Variants in PHF24 observed in about 807,000 individuals in gnomAD.
PHF24 encodes Galpha inhibitory interacting protein.
Under a neutral mutation model 42.6 loss-of-function variants are expected in PHF24, and 25 were observed. That is an observed-to-expected ratio of 0.59 (90% CI 0.43 to 0.82). The LOEUF is 0.82. Among genes scored for constraint, PHF24 ranks in the 40% least tolerant of loss-of-function variants. The pLI, the probability that PHF24 is intolerant of heterozygous loss-of-function variation, is 0.00. For missense variants in PHF24, 470 were observed against 538.1 expected, an observed-to-expected ratio of 0.87 and a Z score of 1.25; for synonymous variants, 185 against 204.8, an observed-to-expected ratio of 0.90 and a Z score of 0.83.
At chr9:34,677,993 G>GTGT in the PHF24 span, 15 of 152,222 alleles carry the variant, frequency 9.9e-5, no homozygotes, top group African/African-American at 3.4e-4. Context: ...GTCTGTGAGG[G>GTGT]TGTTGCCAAA....
chr9:34,977,289 C>T, intron 6 of PHF24, 46 bp downstream of exon 6: 1 of 1,538,856 alleles, frequency 6.5e-7, no homozygotes, highest in Non-Finnish European at 8.8e-7. Context: ...TCTCCTCCTC[C>T]CTTTTCCATG....
the PHF24 span, among the ~76,000 whole-genome samples, chr9:34,753,455 A>G: frequency 6.6e-6 from 1 of 152,120 alleles, no homozygotes; most frequent in African/African-American, 2.4e-5. Flanking sequence ...GATCTCTATG[A>G]TAAAAATTAT....
chr9:34,713,850 G>GT, the PHF24 span, among the ~76,000 whole-genome samples: 1 of 152,092 alleles, frequency 6.6e-6, no homozygotes, highest in Non-Finnish European at 1.5e-5. Context: ...CTTACATCTT[G>GT]TTTTTTGAAG....
the PHF24 span, among the ~76,000 whole-genome samples, chr9:34,921,241 C>T: frequency 6.7e-6 from 1 of 148,250 alleles, no homozygotes. Flanking sequence ...GTGTTCTTAA[C>T]AATTATGTTT....
chr9:34,769,971 A>G, the PHF24 span, among the ~76,000 whole-genome samples: 1 of 152,330 alleles, frequency 6.6e-6, no homozygotes, highest in South Asian at 2.1e-4. Context: ...AAATAGTAGA[A>G]GAATACATGG....
the PHF24 span, among the ~76,000 whole-genome samples, chr9:34,852,912 T>C: frequency 5.9e-5 from 9 of 152,212 alleles, no homozygotes; most frequent in African/African-American, 1.9e-4. Flanking sequence ...CACACCCAGC[T>C]CTGTACCTGG....
At chr9:34,891,872 A>G in the PHF24 span, among the ~76,000 whole-genome samples, 7 of 152,124 alleles carry the variant, frequency 4.6e-5, no homozygotes. Flanking sequence ...AGCAGGTGCC[A>G]CTCCAAGGCT....
rs1826472639 is a variant in PHF24, at chr9:34,958,519, C to T, written c.-5+118C>T. The stretch of plus-strand genomic sequence containing the variant: ...GTGGGAGCCGCCTCCAAGGTGGCCC[C>T]CCTGTGTCATTGGATGAACCCCAAG... On this transcript the variant is annotated intron_variant, in intron 1 of 7. Transcript: ENST00000242315. The surrounding 1 kb of genome is among the most constrained non-coding windows in gnomAD (Gnocchi z 4.5). The T allele has an allele frequency of 1.3e-5, 2 of 152,342 alleles. No homozygotes were observed. The highest frequency in any genetic ancestry group is 4.1e-4 in the South Asian group (2 of 4,828). The allele number at this position is 152,342 out of a possible 1,614,324, so 9.4% of individuals were successfully genotyped here.
At chr9:34,917,991 G>A in the PHF24 span, 1 of 1,369,262 alleles carries the variant, frequency 7.3e-7, no homozygotes, top group East Asian at 2.3e-5. Context: ...CACTGGGGAG[G>A]CCATCAAGAA....
the PHF24 span, among the ~76,000 whole-genome samples, chr9:34,880,163 C>T: frequency 1.3e-5 from 2 of 152,274 alleles, no homozygotes; most frequent in South Asian, 4.1e-4. Context: ...GAGATTTTGT[C>T]ACCACCAGGC....
At chr9:34,974,792 T>C (rs1420121680) in intron 3 of PHF24, among the ~76,000 whole-genome samples, 3 of 152,158 alleles carry the variant, frequency 2.0e-5, no homozygotes, top group East Asian at 3.8e-4. Context: ...ACACTCATCA[T>C]GCCCCAAAAT....
At chr9:34,844,486 C>G in the PHF24 span, among the ~76,000 whole-genome samples, 40 of 152,210 alleles carry the variant, frequency 2.6e-4, 1 homozygote, top group South Asian at 8.1e-3. Context: ...TATTGTGTTT[C>G]CTCTTTCATT....
the PHF24 span, chr9:34,729,591 TGTA>T: frequency 3.0e-6 from 2 of 664,346 alleles, no homozygotes; most frequent in Non-Finnish European, 4.8e-6. Context: ...ATAAGGTACA[TGTA>T]GTAGGGAAGC....
chr9:34,856,830 TG>T, the PHF24 span, among the ~76,000 whole-genome samples: 4 of 152,354 alleles, frequency 2.6e-5, no homozygotes, highest in Middle Eastern at 3.4e-3. Context: ...ACTGACTGCC[TG>T]GACTCTCCAG....
the PHF24 span, among the ~76,000 whole-genome samples, chr9:34,668,460 A>G: frequency 6.6e-6 from 1 of 152,256 alleles, no homozygotes; most frequent in African/African-American, 2.4e-5. Flanking sequence ...CACAATGCAC[A>G]GGTATACCCA....
At chr9:34,950,861 T>C in the PHF24 span, among the ~76,000 whole-genome samples, 1 of 151,646 alleles carries the variant, frequency 6.6e-6, no homozygotes, top group Non-Finnish European at 1.5e-5. Context: ...AGAAAATCAA[T>C]AGAGAAAATC....
chr9:34,682,156 T>TTC, the PHF24 span, among the ~76,000 whole-genome samples: 1 of 146,542 alleles, frequency 6.8e-6, no homozygotes, highest in African/African-American at 2.5e-5. Context: ...TTCTATTTTT[T>TTC]TTTTTTTTTT....
exon 8 of PHF24, chr9:34,978,200 C>G: frequency 9.7e-7 from 1 of 1,026,874 alleles, no homozygotes; most frequent in Non-Finnish European, 1.5e-6. Flanking sequence ...GGCACAGAGA[C>G]TCATGGGGTT....
At chr9:34,970,691 CT>C (rs1485166150) in intron 1 of PHF24, among the ~76,000 whole-genome samples, 1 of 152,188 alleles carries the variant, frequency 6.6e-6, no homozygotes, top group Non-Finnish European at 1.5e-5. Context: ...AGCCTTGAGT[CT>C]TCTTGCAGGG....
Sources: gnomAD v4.1 joint callset for allele counts (sites outside exome capture counted in the v4.1 genomes callset) on GRCh38, gnomAD v4.1.1 for gene constraint, Gnocchi (gnomAD v3.1) non-coding constraint, MANE v1.5 for transcripts, NCBI Gene and HGNC (gene_info 2026-07-23, HGNC 2026-07-21) for gene names.